TTC23: variants seen among roughly 807,000 people sequenced by gnomAD.
TTC23 encodes the protein tetratricopeptide repeat protein 23.
Under a neutral mutation model 55.1 loss-of-function variants are expected in TTC23, and 58 were observed. The observed-to-expected ratio is 1.05, with a 90% CI of 0.85 to 1.31. The LOEUF (loss-of-function observed/expected upper bound fraction) is 1.31. Among genes scored for constraint, TTC23 ranks in the 50% most tolerant of loss-of-function variants. The pLI, the probability that TTC23 is intolerant of heterozygous loss-of-function variation, is 0.00. For synonymous variants in TTC23, 203 were observed against 199.9 expected (o/e 1.02, Z -0.13); for missense variants, 516 against 534.4 (o/e 0.97, Z 0.34).
chr15:99,195,980 CCT>C (rs1335385622), intron 9 of TTC23, among the ~76,000 whole-genome samples: 1 of 151,364 alleles, frequency 6.6e-6, no homozygotes, highest in Non-Finnish European at 1.5e-5. Context: ...ATGGTGAAAC[CCT>C]GTCTCTACTA....
intron 9 of TTC23, among the ~76,000 whole-genome samples, chr15:99,193,009 C>G (rs911831539): frequency 3.9e-5 from 6 of 152,178 alleles, no homozygotes; most frequent in African/African-American, 1.4e-4. Context: ...TTCAGACTTG[C>G]ATAGGGTTTG....
At chr15:99,211,645 C>A (rs553714948) in intron 8 of TTC23, among the ~76,000 whole-genome samples, 16 of 152,162 alleles carry the variant, frequency 1.1e-4, no homozygotes, top group African/African-American at 3.6e-4. Flanking sequence ...CCTTTTCTTT[C>A]TTGCTTTCTT....
chr15:99,238,682 A>C (rs779830507), intron 3 of TTC23, among the ~76,000 whole-genome samples: 1 of 152,196 alleles, frequency 6.6e-6, no homozygotes, highest in African/African-American at 2.4e-5. Context: ...GCTGCAGTAC[A>C]CCAGAGCCAC....
intron 10 of TTC23, among the ~76,000 whole-genome samples, chr15:99,162,361 A>G (rs943206451): frequency 5.9e-5 from 9 of 152,208 alleles, no homozygotes; most frequent in Non-Finnish European, 1.2e-4. Context: ...CAAAACCCCA[A>G]TCATTCCAAA....
chr15:99,193,360 T>G (rs553292011), intron 9 of TTC23, among the ~76,000 whole-genome samples: 2 of 152,152 alleles, frequency 1.3e-5, no homozygotes, highest in Admixed American at 6.5e-5. Context: ...GTGGGAGGGA[T>G]CTGGTGGGAG....
chr15:99,245,782 T>TA (rs1007236150), intron 1 of TTC23, among the ~76,000 whole-genome samples: 9 of 150,688 alleles, frequency 6.0e-5, no homozygotes, highest in African/African-American at 2.2e-4. Context: ...GGTAAAACTA[T>TA]AAAACTCTTT....
rs2077612193 is a variant in TTC23 at position 99,218,059 on chromosome 15, GCT to G, written c.581+527_581+528del. 3.9e-5 allele frequency among the ~76,000 whole-genome samples: 6 copies of G among 152,220 alleles called. No individual in the cohort carries two copies. The South Asian group carries it at 1.2e-3, about 32-fold the overall frequency. On this transcript the variant is annotated intron_variant, in intron 8 of 13. Transcript: ENST00000394132. ...ATACTCTGAGGAATTGGCTTAGGTT[GCT>G]CTTTGGAGAAAGATAAAAGTACTAA...
chr15:99,203,809 T>C (rs2076393401), intron 8 of TTC23, among the ~76,000 whole-genome samples: 1 of 152,182 alleles, frequency 6.6e-6, no homozygotes, highest in Non-Finnish European at 1.5e-5. Flanking sequence ...CCATCCATTT[T>C]GCTGCAATTG....
chr15:99,215,220 T>C (rs1250615282), intron 8 of TTC23, among the ~76,000 whole-genome samples: 2 of 152,206 alleles, frequency 1.3e-5, no homozygotes, highest in East Asian at 3.9e-4. Context: ...CTTTGTAGAC[T>C]TCAGATATAA....
At chr15:99,227,941 G>A (rs2078599304) in intron 5 of TTC23, among the ~76,000 whole-genome samples, 1 of 152,166 alleles carries the variant, frequency 6.6e-6, no homozygotes, top group Non-Finnish European at 1.5e-5. Flanking sequence ...TGTCACTCGA[G>A]CTCTCACAGA....
At chr15:99,201,746 G>C (rs1228553003) in intron 8 of TTC23, among the ~76,000 whole-genome samples, 1 of 152,196 alleles carries the variant, frequency 6.6e-6, no homozygotes, top group Admixed American at 6.5e-5. Context: ...AGGCGACCCA[G>C]TAATACCGGT....
At chr15:99,250,716 G>C (rs2080661644), upstream of TTC23, among the ~76,000 whole-genome samples, 2 of 152,210 alleles carry the variant, frequency 1.3e-5, no homozygotes, top group Admixed American at 1.3e-4. Flanking sequence ...AGTCAGGCTA[G>C]GAAGTGTCAT....
intron 4 of TTC23, among the ~76,000 whole-genome samples, chr15:99,231,263 G>A (rs2078909899): frequency 6.6e-6 from 1 of 152,098 alleles, no homozygotes; most frequent in South Asian, 2.1e-4. Context: ...TATTTTAGAG[G>A]GTACTCCTTC....
Position 99,156,311 on chromosome 15 carries a change from A to C in TTC23, c.994-14T>G. ...CGAGGTTGCTCTCTGTGAAAGGAAC[A>C]AAAAGCTATCTGGTTAACAAGCTCA... On this transcript the variant is annotated splice_polypyrimidine_tract_variant and intron_variant, in intron 11 of 13. Transcript: ENST00000394132. 6.2e-7 allele frequency: 1 copy of C among 1,612,738 alleles called. No individual in the cohort carries two copies. Among genetic ancestry groups the C allele is most frequent in the South Asian group, 1.1e-5 (1 of 91,038 alleles).
At chr15:99,173,803 T>C (rs2073226071) in intron 10 of TTC23, among the ~76,000 whole-genome samples, 1 of 152,174 alleles carries the variant, frequency 6.6e-6, no homozygotes, top group African/African-American at 2.4e-5. Context: ...AGCTGCCATT[T>C]ATAACTATGC....
At position 99,138,028 on chromosome 15, in the gene TTC23, G is replaced by T; in HGVS notation, c.1326C>A (p.Pro442=). ...PQDTLLGKAR[P]GTTAD Reference sequence around the variant, plus strand: ...GGGGGCCTCAGTCTGCTGTTGTGCCGGGCCGGGCCTTCCCCAGCAGGGTGT... The same window carrying T: ...GGGGGCCTCAGTCTGCTGTTGTGCCTGGCCGGGCCTTCCCCAGCAGGGTGT... The change falls in exon 14 of 14, where the codon CCC becomes CCA. Residue 442 remains proline (P), a synonymous_variant. Transcript: ENST00000394132. 1.2e-6 allele frequency: 2 copies of T among 1,614,030 alleles called. No individual in the cohort carries two copies. Among genetic ancestry groups the T allele is most frequent in the Non-Finnish European group, 8.5e-7 (1 of 1,179,986 alleles).
At chr15:99,186,166 T>G (rs894248425) in intron 9 of TTC23, among the ~76,000 whole-genome samples, 4 of 152,262 alleles carry the variant, frequency 2.6e-5, no homozygotes, top group Non-Finnish European at 5.9e-5. Context: ...TAGCTTATAC[T>G]GGCAGAAGGC....
intron 8 of TTC23, among the ~76,000 whole-genome samples, chr15:99,216,253 G>A (rs2077467560): frequency 4.6e-5 from 7 of 152,196 alleles, no homozygotes; most frequent in Admixed American, 3.9e-4. Flanking sequence ...TTATCACAGT[G>A]ATAATGCTTC....
intron 12 of TTC23, among the ~76,000 whole-genome samples, chr15:99,150,030 A>G (rs1250836717): frequency 1.3e-5 from 2 of 152,128 alleles, no homozygotes; most frequent in African/African-American, 4.8e-5. Flanking sequence ...TCTTCATGGG[A>G]TAAGTGAGGA....
Sources: allele counts gnomAD v4.1 joint callset (sites outside exome capture counted in the v4.1 genomes callset), GRCh38; gene constraint gnomAD v4.1.1; transcripts MANE v1.5; gene names NCBI Gene and HGNC (gene_info 2026-07-23, HGNC 2026-07-21).